The following CD47 variants were observed in gnomAD, a reference collection of about 807,000 sequenced individuals.
CD47 encodes leukocyte surface antigen CD47.
Under a neutral mutation model 44.6 loss-of-function variants are expected in CD47, and 11 were observed. The observed-to-expected ratio is 0.25, with a 90% CI of 0.16 to 0.41. The LOEUF is 0.41. CD47 is among the 10% of genes least tolerant of loss of function. The pLI is 1.00. For synonymous variants in CD47, 140 were observed against 136.3 expected (o/e 1.03, Z -0.19); for missense variants, 306 against 386.7 (o/e 0.79, Z 1.75).
intron 3 of CD47, among the ~76,000 whole-genome samples, chr3:108,070,315 G>A (rs2079177245): frequency 6.6e-6 from 1 of 152,198 alleles, no homozygotes; most frequent in South Asian, 2.1e-4. Flanking sequence ...TACAAGGAAA[G>A]AAGGAATAAA....
intron 1 of CD47, among the ~76,000 whole-genome samples, chr3:108,086,432 G>T (rs909004269): frequency 2.0e-5 from 3 of 152,048 alleles, no homozygotes; most frequent in African/African-American, 7.2e-5. Flanking sequence ...AGATAAAGAG[G>T]GGAAAATTAA....
chr3:108,082,814 T>A (rs1182550911), intron 1 of CD47, among the ~76,000 whole-genome samples: 1 of 152,040 alleles, frequency 6.6e-6, no homozygotes, highest in African/African-American at 2.4e-5. Flanking sequence ...CTGAAGCAAT[T>A]TAAGTAGAAT....
Position 108,058,358 on chromosome 3 carries a change from CA to C in CD47, c.762del (p.Gly255AspfsTer2). ...IQVIAYILAV[V>X]GLSLCIAACI... is the part of the protein sequence containing the mutation. ...TTACCCGCAATACAGAGACTCAGTC[CA>C]ACCACAGCGAGGATATAGGCTATCA... On this transcript the variant is annotated frameshift_variant, in exon 6 of 11. Transcript: ENST00000361309. LOFTEE classifies it high-confidence loss of function. 1 of 1,562,314 alleles carries C rather than the reference CA, an allele frequency of 6.4e-7. No homozygotes were observed. Among genetic ancestry groups the C allele is most frequent in the Non-Finnish European group, 8.7e-7 (1 of 1,151,580 alleles).
intron 2 of CD47, among the ~76,000 whole-genome samples, 186 bp downstream of exon 2, chr3:108,079,805 T>C (rs1053349348): frequency 1.3e-5 from 2 of 151,834 alleles, no homozygotes; most frequent in African/African-American, 2.4e-5. Context: ...TGTTTTACCA[T>C]GAAGAGTAGA....
chr3:108,071,935 T>C (rs914793945), intron 2 of CD47, among the ~76,000 whole-genome samples: 7 of 152,202 alleles, frequency 4.6e-5, no homozygotes, highest in African/African-American at 1.2e-4. Flanking sequence ...GGACTGTTTA[T>C]ATGTAAAGTA....
chr3:108,083,793 T>A (rs2079463326), intron 1 of CD47, among the ~76,000 whole-genome samples: 1 of 151,848 alleles, frequency 6.6e-6, no homozygotes, highest in Non-Finnish European at 1.5e-5. Context: ...CCAACAGTCC[T>A]CTCTCCCTAT....
At chr3:108,061,675 T>C (rs1329714842) in intron 3 of CD47, among the ~76,000 whole-genome samples, 1 of 152,234 alleles carries the variant, frequency 6.6e-6, no homozygotes, top group Admixed American at 6.5e-5. Context: ...TTACTATATA[T>C]GAATCTTTTA....
rs1432013488 is a variant in CD47 at position 108,043,146 on chromosome 3, GTA to G, written c.*4140_*4141del. The G allele has an allele frequency of 1.3e-5, 2 of 152,334 alleles. No individual in the cohort carries two copies. The highest frequency in any genetic ancestry group is 3.8e-4 in the East Asian group (2 of 5,202). The allele number at this position is 152,334 out of a possible 1,614,324, so 9.4% of individuals were successfully genotyped here. Reference sequence around the variant, plus strand: ...TCTGCTCTAATTAAAAGCTTATTGGGTATTATACTCAAAAAATTCATAATTAA... The same window carrying G: ...TCTGCTCTAATTAAAAGCTTATTGGGTTATACTCAAAAAATTCATAATTAA... On this transcript the variant is annotated 3_prime_UTR_variant, in exon 11 of 11. Coordinates refer to ENST00000361309, the MANE Select transcript of CD47 (RefSeq NM_001777.4).
At chr3:108,048,381 T>TG (rs1000411792) in intron 10 of CD47, among the ~76,000 whole-genome samples, 4 of 136,532 alleles carry the variant, frequency 2.9e-5, no homozygotes, top group Admixed American at 7.4e-5. Context: ...GTTTTTTTTT[T>TG]TTTTTTTTTT....
intron 2 of CD47, among the ~76,000 whole-genome samples, chr3:108,072,995 C>T (rs1020681743): frequency 6.6e-6 from 1 of 151,232 alleles, no homozygotes; most frequent in Non-Finnish European, 1.5e-5. Context: ...TTTTCATCAC[C>T]CCATCCCCCA....
At chr3:108,080,436 C>T in intron 1 of CD47, 92 bp from the exon 2 acceptor site, 1 of 663,054 alleles carries the variant, frequency 1.5e-6, no homozygotes, top group Non-Finnish European at 2.6e-6. Context: ...TAAACAGCAA[C>T]ATTTCCATTG....
chr3:108,059,086 A>T (rs1419717071), intron 5 of CD47, among the ~76,000 whole-genome samples: 1 of 152,236 alleles, frequency 6.6e-6, no homozygotes, highest in Non-Finnish European at 1.5e-5. Context: ...TTATAGAACC[A>T]GTCTTCTTAA....
chr3:108,077,003 T>C (rs1284447146), intron 2 of CD47, among the ~76,000 whole-genome samples: 1 of 152,184 alleles, frequency 6.6e-6, no homozygotes, highest in Non-Finnish European at 1.5e-5. Flanking sequence ...CCAGTGCTCC[T>C]TCTAATGGAC....
At chr3:108,079,510 A>G (rs1053189247) in intron 2 of CD47, among the ~76,000 whole-genome samples, 1 of 136,782 alleles carries the variant, frequency 7.3e-6, no homozygotes, top group Non-Finnish European at 1.5e-5. Flanking sequence ...ACTCTCCTCT[A>G]TTCTCTCCAG....
intron 2 of CD47, among the ~76,000 whole-genome samples, chr3:108,079,174 C>T (rs138585124): frequency 1.3e-5 from 2 of 151,970 alleles, no homozygotes; most frequent in African/African-American, 4.8e-5. Context: ...AAGCCATGAT[C>T]GGTAATATGA....
intron 2 of CD47, among the ~76,000 whole-genome samples, chr3:108,075,287 G>A (rs1003890904): frequency 1.3e-5 from 2 of 152,142 alleles, no homozygotes; most frequent in Admixed American, 1.3e-4. Context: ...CAATGAATAA[G>A]TGTTTAATTT....
At chr3:108,054,571 C>A (rs1429595204) in intron 7 of CD47, 1 of 152,146 alleles carries the variant, frequency 6.6e-6, no homozygotes. Flanking sequence ...TAACCACAAG[C>A]CTTAAGCATT....
At position 108,082,668 on chromosome 3, in the gene CD47, C is replaced by T. The variant is rs115477740; in HGVS notation, c.47-2324G>A. 2.1e-3 allele frequency among the ~76,000 whole-genome samples: 315 copies of T among 151,950 alleles called. 2 individuals carry two copies. The highest frequency in any genetic ancestry group is 5.9e-3 in the African/African-American group (245 of 41,480). On this transcript the variant is annotated intron_variant, in intron 1 of 10. Coordinates refer to ENST00000361309, the MANE Select transcript of CD47 (RefSeq NM_001777.4). Reference sequence around the variant, plus strand: ...CATCCTATGAAACTTTTTGCAAAGGCTTTAATTAAGTAAGTAAGAAGTAGT... The same window carrying T: ...CATCCTATGAAACTTTTTGCAAAGGTTTTAATTAAGTAAGTAAGAAGTAGT...
intron 9 of CD47, 72 bp downstream of exon 9, chr3:108,050,506 G>T: frequency 1.4e-6 from 1 of 722,110 alleles, no homozygotes; most frequent in Non-Finnish European, 2.4e-6. Context: ...CATAGACAGG[G>T]CATTCTAACT....
Sources: gnomAD v4.1 joint callset for allele counts (sites outside exome capture counted in the v4.1 genomes callset) on GRCh38, gnomAD v4.1.1 for gene constraint, MANE v1.5 for transcripts, NCBI Gene and HGNC (gene_info 2026-07-23, HGNC 2026-07-21) for gene names.